GRIK4: variants seen among roughly 807,000 people sequenced by gnomAD.
The protein encoded by GRIK4 is glutamate ionotropic receptor kainate type subunit 4.
In GRIK4, 40 loss-of-function variants were observed where a neutral mutation model predicts 104.9. The observed-to-expected ratio is 0.38, with a 90% CI of 0.30 to 0.50. The LOEUF (loss-of-function observed/expected upper bound fraction) is 0.50, where lower values mean the gene tolerates loss of function less well. Ranked by LOEUF, GRIK4 falls within the 20% of genes least tolerant of loss-of-function variation. The pLI is 0.93. For synonymous variants in GRIK4, 485 were observed against 524.9 expected, an observed-to-expected ratio of 0.92 and a Z score of 1.04; for missense variants, 1,047 against 1,308.1, an observed-to-expected ratio of 0.80 and a Z score of 3.08.
intron 8 of GRIK4, among the ~76,000 whole-genome samples, chr11:120,840,395 C>G (rs917707488): frequency 2.0e-5 from 3 of 151,928 alleles, no homozygotes; most frequent in African/African-American, 7.3e-5. Context: ...AGCATCATGC[C>G]CCTGCTTCTG....
chr11:120,554,432 C>CGCTT (rs1948168390), intron 1 of GRIK4, among the ~76,000 whole-genome samples: 1 of 152,188 alleles, frequency 6.6e-6, no homozygotes, highest in African/African-American at 2.4e-5. Flanking sequence ...CTCCTGCCTC[C>CGCTT]GCTTAGGTGT....
chr11:120,715,143 G>A (rs1950805146), intron 3 of GRIK4, among the ~76,000 whole-genome samples: 1 of 152,170 alleles, frequency 6.6e-6, no homozygotes, highest in Non-Finnish European at 1.5e-5. Context: ...ATCTCTGCTG[G>A]CACGGGGGCA....
chr11:120,941,051 C>T (rs183125324), intron 14 of GRIK4, among the ~76,000 whole-genome samples: 71 of 152,310 alleles, frequency 4.7e-4, no homozygotes, highest in African/African-American at 1.6e-3. Flanking sequence ...AGTACAGACA[C>T]GACCTTCAAG....
At chr11:120,686,734 A>G (rs1406321434) in intron 3 of GRIK4, among the ~76,000 whole-genome samples, 1 of 152,182 alleles carries the variant, frequency 6.6e-6, no homozygotes, top group Non-Finnish European at 1.5e-5. Flanking sequence ...TACCTTGCTG[A>G]TTATGTTTTA....
intron 1 of GRIK4, among the ~76,000 whole-genome samples, chr11:120,529,779 G>A (rs61641913): frequency 0.031 from 4,718 of 152,282 alleles, 240 homozygotes; most frequent in African/African-American, 0.11. Context: ...TTCACATCCA[G>A]CATCTCATTT....
chr11:120,833,683 G>A (rs1455280896), intron 7 of GRIK4, among the ~76,000 whole-genome samples: 1 of 152,002 alleles, frequency 6.6e-6, no homozygotes, highest in African/African-American at 2.4e-5. Context: ...TTGAAATTTT[G>A]GAACATATAG....
chr11:120,515,856 C>G (rs1423298024), intron 1 of GRIK4, among the ~76,000 whole-genome samples: 4 of 152,164 alleles, frequency 2.6e-5, no homozygotes, highest in African/African-American at 9.7e-5. Flanking sequence ...AGGAAGGAAT[C>G]AATGTAACAT....
chr11:120,863,778 C>G (rs376273289), intron 9 of GRIK4, among the ~76,000 whole-genome samples: 83 of 152,294 alleles, frequency 5.4e-4, no homozygotes, highest in African/African-American at 1.8e-3. Context: ...TTGGAGGTGG[C>G]CTGCGGAAGC....
rs1199275315 is a variant in GRIK4, at chr11:120,903,693, C to T, written c.1273-1597C>T. Among the ~76,000 whole-genome samples, 1 of 152,200 alleles carries T rather than the reference C, an allele frequency of 6.6e-6. No homozygotes were observed. The highest frequency in any genetic ancestry group is 6.5e-5 in the Admixed American group (1 of 15,286). ...TGGGTGGGCCCCTGGGACCCCCAGC[C>T]CTGCTGTTTGCGGTGGGGAAGGAGC... On this transcript the variant is annotated intron_variant, in intron 12 of 20. Transcript: ENST00000527524. This position sits in a 1 kb window ranked among gnomAD's most constrained non-coding sequence, Gnocchi z 4.4.
chr11:120,730,573 TTTTAG>T (rs1951110354), intron 3 of GRIK4, among the ~76,000 whole-genome samples: 2 of 113,110 alleles, frequency 1.8e-5, no homozygotes, highest in South Asian at 3.1e-4. Flanking sequence ...TCCATATACA[TTTTAG>T]TTTTTTTTTC....
At chr11:120,633,500 C>T (rs149825624) in intron 1 of GRIK4, among the ~76,000 whole-genome samples, 83 of 152,310 alleles carry the variant, frequency 5.4e-4, no homozygotes, top group African/African-American at 1.8e-3. Flanking sequence ...ATTGTCAGGA[C>T]GTTGCTCTGT....
intron 1 of GRIK4, among the ~76,000 whole-genome samples, chr11:120,531,997 A>G (rs1467255714): frequency 6.6e-6 from 1 of 151,964 alleles, no homozygotes; most frequent in African/African-American, 2.4e-5. Context: ...TTACTCCCAA[A>G]TGGAGACCCT....
intron 1 of GRIK4, among the ~76,000 whole-genome samples, chr11:120,575,239 G>A (rs1209265354): frequency 3.9e-5 from 6 of 152,098 alleles, no homozygotes; most frequent in Non-Finnish European, 7.4e-5. Flanking sequence ...AAGAGCACAC[G>A]TTTTCCACTT....
intron 8 of GRIK4, among the ~76,000 whole-genome samples, chr11:120,854,920 C>G (rs1483909316): frequency 6.6e-6 from 1 of 152,018 alleles, no homozygotes; most frequent in Non-Finnish European, 1.5e-5. Flanking sequence ...TCAAAATACC[C>G]AAAGACAGTG....
intron 1 of GRIK4, among the ~76,000 whole-genome samples, chr11:120,611,353 T>C (rs1949035440): frequency 1.3e-5 from 2 of 152,150 alleles, no homozygotes; most frequent in African/African-American, 4.8e-5. Flanking sequence ...TAATATTTAA[T>C]ATGCAGTATA....
intron 1 of GRIK4, among the ~76,000 whole-genome samples, chr11:120,557,185 T>C (rs1948195913): frequency 6.6e-6 from 1 of 152,184 alleles, no homozygotes; most frequent in East Asian, 1.9e-4. Context: ...ATTAGTGCAC[T>C]GGAGGACCGG....
chr11:120,812,658 C>G (rs1440255323), intron 4 of GRIK4, among the ~76,000 whole-genome samples: 1 of 152,176 alleles, frequency 6.6e-6, no homozygotes, highest in Admixed American at 6.5e-5. Context: ...GGTCTCGAAA[C>G]TAGTAAGTGA....
chr11:120,660,491 C>G, intron 3 of GRIK4, 91 bp downstream of exon 3: 1 of 970,448 alleles, frequency 1.0e-6, no homozygotes, highest in Admixed American at 2.0e-5. Context: ...CTTGGGGAAG[C>G]TGCCCAGCCC....
At chr11:120,743,467 T>C (rs1006137945) in intron 3 of GRIK4, among the ~76,000 whole-genome samples, 7 of 152,164 alleles carry the variant, frequency 4.6e-5, no homozygotes, top group African/African-American at 1.7e-4. Flanking sequence ...AAGATAACTC[T>C]TGGGTACTGG....
Sources: gnomAD v4.1 joint callset for allele counts (sites outside exome capture counted in the v4.1 genomes callset) on GRCh38, gnomAD v4.1.1 for gene constraint, Gnocchi (gnomAD v3.1) non-coding constraint, MANE v1.5 for transcripts, NCBI Gene and HGNC (gene_info 2026-07-23, HGNC 2026-07-21) for gene names.